TJP1: variants seen among roughly 807,000 people sequenced by gnomAD.
TJP1 encodes tight junction protein ZO-1.
TJP1 carries 43 observed loss-of-function variants against 194.2 expected under a neutral mutation model. That is an observed-to-expected ratio of 0.22 (90% confidence interval 0.17 to 0.29). The LOEUF is 0.29. Among genes scored for constraint, TJP1 ranks in the 10% least tolerant of loss-of-function variants. TJP1 has a pLI of 1.00. For missense variants in TJP1, 1,971 were observed against 2,185.7 expected (o/e 0.90, Z 1.96); for synonymous variants, 801 against 779.0 (o/e 1.03, Z -0.47).
At position 29,719,788 on chromosome 15, in the gene TJP1, C is replaced by G. The variant is rs1457033647; in HGVS notation, c.2992G>C (p.Asp998His). The change falls in exon 20 of 28, where the codon GAT becomes CAT. Residue 998 changes from aspartate (D) to histidine (H), a missense_variant. By Grantham distance (81) the Asp-to-His change is moderately conservative. This residue lies in a region of TJP1 where 1,108 missense variants were observed against 1,128.5 expected (regional missense o/e 0.98). Coordinates refer to ENST00000614355, the MANE Select transcript of TJP1 (RefSeq NM_001330239.4). ...DQEPSLSSHV[D>H]PTKVYRKDPY... ...CGCAGCACAGGTACCTTTGTTGGAT[C>G]TACATGCGACGACAATGATGGTTCT... 2 of 1,613,474 alleles carry G rather than the reference C, an allele frequency of 1.2e-6. No individual in the cohort carries two copies. The highest frequency in any genetic ancestry group is 1.7e-6 in the Non-Finnish European group (2 of 1,179,676).
At chr15:29,944,224 C>G (rs1302261695) in intron 2 of TJP1, among the ~76,000 whole-genome samples, 2 of 151,864 alleles carry the variant, frequency 1.3e-5, no homozygotes, top group African/African-American at 4.8e-5. Context: ...TCCCGACTAG[C>G]TGGGATTACA....
chr15:29,761,054 T>C, intron 8 of TJP1, 85 bp downstream of exon 8: 2 of 1,405,334 alleles, frequency 1.4e-6, no homozygotes, highest in African/African-American at 2.9e-5. Context: ...GAAATACATC[T>C]TTTAATTTTA....
In TJP1 at chr15:29,708,852, T is replaced by C. The variant is rs1304371242; in HGVS notation, c.4557A>G (p.Thr1519=). Residue 1519 remains threonine, a synonymous_variant, in exon 25 of 28, where the codon ACA becomes ACG. Coordinates refer to ENST00000614355, the MANE Select transcript of TJP1 (RefSeq NM_001330239.4). The part of the protein sequence containing the change: ...PVNGTEQTQK[T]VTPAYNRFTP... ...TGAATCGATTGTATGCTGGAGTGAC[T>C]GTTTTCTGAGTCTGTTCAGTTCCAT... 2.5e-6 allele frequency: 4 copies of C among 1,614,194 alleles called. No homozygotes were observed. The highest frequency in any genetic ancestry group is 1.3e-5 in the African/African-American group (1 of 75,052).
chr15:29,822,000 A>G lies in TJP1; in HGVS notation c.27+2T>C. ...GGCCCTGGCGGCCGCGGAGGCGCTCACCTTGGCGGCCGCAGCTCTGGCGGA... is the reference window on the plus strand; with the variant it reads ...GGCCCTGGCGGCCGCGGAGGCGCTCGCCTTGGCGGCCGCAGCTCTGGCGGA... On this transcript the variant is annotated splice_donor_variant, in intron 1 of 27. Coordinates refer to ENST00000614355, the MANE Select transcript of TJP1 (RefSeq NM_001330239.4). LOFTEE classifies it high-confidence loss of function. The G allele has an allele frequency of 7.5e-7, 1 of 1,336,470 alleles. No homozygotes were observed. The highest frequency in any genetic ancestry group is 1.5e-5 in the African/African-American group (1 of 66,160). 82.8% of individuals were successfully genotyped at this position (1,336,470 alleles called of 1,614,324 possible). A position where few individuals can be genotyped will look rare whatever the true frequency, so the allele number is the denominator to read the frequency against.
intron 2 of TJP1, among the ~76,000 whole-genome samples, chr15:29,951,630 TC>T (rs2152308667): frequency 6.6e-6 from 1 of 152,288 alleles, no homozygotes; most frequent in African/African-American, 2.4e-5. Flanking sequence ...CTCACATATT[TC>T]CCCCTCTAAT....
intron 2 of TJP1, among the ~76,000 whole-genome samples, chr15:29,847,314 C>G (rs1291314875): frequency 6.6e-6 from 1 of 152,126 alleles, no homozygotes; most frequent in African/African-American, 2.4e-5. Flanking sequence ...GATGCCCAGC[C>G]AAGAACCAGC....
intron 18 of TJP1, among the ~76,000 whole-genome samples, chr15:29,724,754 C>CT (rs2043140587): frequency 1.3e-5 from 2 of 152,274 alleles, no homozygotes; most frequent in East Asian, 1.9e-4. Context: ...GGAAGATAAG[C>CT]TGTAAGTTGT....
chr15:29,797,964 G>C (rs1441245202), intron 2 of TJP1, among the ~76,000 whole-genome samples: 1 of 152,142 alleles, frequency 6.6e-6, no homozygotes, highest in African/African-American at 2.4e-5. Flanking sequence ...CTAAAACCAC[G>C]TGTGATACCG....
intron 2 of TJP1, among the ~76,000 whole-genome samples, chr15:29,928,121 A>G (rs1223515834): frequency 6.6e-6 from 1 of 152,176 alleles, no homozygotes. Flanking sequence ...ATAGAAAAAA[A>G]AAACCACTAG....
intron 2 of TJP1, among the ~76,000 whole-genome samples, chr15:29,891,925 G>A (rs1160276079): frequency 4.6e-5 from 7 of 152,190 alleles, no homozygotes; most frequent in Non-Finnish European, 1.5e-5. Context: ...AGGTCTAAGG[G>A]TTCAAGTAAA....
chr15:29,773,494 G>A (rs2046822290), intron 2 of TJP1, 137 bp from the exon 3 acceptor site: 1 of 755,058 alleles, frequency 1.3e-6, no homozygotes, highest in Non-Finnish European at 2.1e-6. Context: ...TCACCTGCAT[G>A]GTTACCTATT....
At chr15:29,867,216 G>A (rs1008404624) in intron 2 of TJP1, among the ~76,000 whole-genome samples, 4 of 152,220 alleles carry the variant, frequency 2.6e-5, no homozygotes, top group Admixed American at 2.0e-4. Flanking sequence ...GCGAGACTCA[G>A]ACCAGACATG....
chr15:29,821,938 G>C (rs1393308330), intron 1 of TJP1, 64 bp downstream of exon 1: 11 of 1,200,830 alleles, frequency 9.2e-6, no homozygotes, highest in African/African-American at 1.6e-5. Context: ...ACGCGGGCCA[G>C]ATGCCGGTGG....
intron 2 of TJP1, among the ~76,000 whole-genome samples, chr15:29,911,952 G>A (rs1050884138): frequency 6.6e-6 from 1 of 152,194 alleles, no homozygotes; most frequent in African/African-American, 2.4e-5. Flanking sequence ...AATCCAATGA[G>A]GAGAAAGATG....
rs956717542 is a variant in TJP1, at chr15:29,772,078, T to G, written c.298A>C (p.Lys100Gln). The change falls in exon 4 of 28, where the codon AAA becomes CAA. Residue 100 changes from lysine to glutamine, a missense_variant. Lys to Gln is a moderately conservative substitution (Grantham distance 53). Around this residue, in one of 5 missense-constraint regions of TJP1, gnomAD observed 245 missense variants for 336.6 expected, o/e 0.73. Coordinates refer to ENST00000614355, the MANE Select transcript of TJP1 (RefSeq NM_001330239.4). ...FAVQQLRKSG[K>Q]NAKITIRRKK... ...AAGATACTTACAATTTTTGCATTTT[T>G]CCCACTTTTCCTTAGTTGCTGAACA... The G allele has an allele frequency of 1.0e-5, 16 of 1,598,142 alleles. No individual in the cohort carries two copies. Among genetic ancestry groups the G allele is most frequent in the Non-Finnish European group, 1.4e-5 (16 of 1,174,218 alleles).
chr15:29,809,688 T>C (rs996329643), intron 1 of TJP1, among the ~76,000 whole-genome samples: 32 of 152,010 alleles, frequency 2.1e-4, no homozygotes, highest in African/African-American at 7.0e-4. Flanking sequence ...CTACTAAAAA[T>C]ACAAAAAATT....
At chr15:29,820,473 T>TC in intron 1 of TJP1, 6 of 714,224 alleles carry the variant, frequency 8.4e-6, no homozygotes, top group Non-Finnish European at 1.3e-5. Context: ...GTGATGCTTT[T>TC]CAATATGCCA....
intron 2 of TJP1, among the ~76,000 whole-genome samples, chr15:29,843,026 C>T (rs1036344495): frequency 6.6e-5 from 10 of 152,052 alleles, no homozygotes; most frequent in Non-Finnish European, 1.5e-4. Flanking sequence ...AAACGAACTC[C>T]TGTATGAGAA....
chr15:29,833,775 C>T (rs545751427), intron 2 of TJP1, among the ~76,000 whole-genome samples: 5 of 147,624 alleles, frequency 3.4e-5, no homozygotes, highest in African/African-American at 7.5e-5. Flanking sequence ...AATGACTACT[C>T]ACACAACGCC....
Sources: allele counts gnomAD v4.1 joint callset (sites outside exome capture counted in the v4.1 genomes callset), GRCh38; gene constraint gnomAD v4.1.1; regional missense constraint gnomAD v4.1.1; transcripts MANE v1.5; gene names NCBI Gene and HGNC (gene_info 2026-07-23, HGNC 2026-07-21).